MED12L: variants seen among roughly 807,000 people sequenced by gnomAD.
MED12L encodes the protein mediator of RNA polymerase II transcription subunit 12-like protein.
Under a neutral mutation model 281.3 loss-of-function variants are expected in MED12L, and 60 were observed. The observed-to-expected ratio is 0.21, with a 90% CI of 0.17 to 0.26. The LOEUF is 0.26. Ranked by LOEUF, MED12L falls within the 10% of genes least tolerant of loss-of-function variation. The pLI is 1.00. For synonymous variants in MED12L, 974 were observed against 987.2 expected, an observed-to-expected ratio of 0.99 and a Z score of 0.25; for missense variants, 2,146 against 2,680.9, an observed-to-expected ratio of 0.80 and a Z score of 4.41.
At chr3:151,309,140 C>CAT (rs1560011377) in intron 16 of MED12L, among the ~76,000 whole-genome samples, 16 of 109,136 alleles carry the variant, frequency 1.5e-4, no homozygotes, top group African/African-American at 6.0e-4. Flanking sequence ...CACACACACA[C>CAT]GCACACACAC....
rs553322342 is a variant in MED12L at position 151,351,929 on chromosome 3, C to G, written c.2398+1723C>G. Among the ~76,000 whole-genome samples the G allele has an allele frequency of 3.3e-5, 5 of 152,284 alleles. No individual in the cohort carries two copies. The East Asian group carries it at 5.8e-4, about 18-fold the overall frequency. On this transcript the variant is annotated intron_variant, in intron 17 of 44. Coordinates refer to ENST00000687756, the MANE Select transcript of MED12L (RefSeq NM_001393769.1). The stretch of plus-strand genomic sequence containing the variant: ...TAGGCAATTCTAGCATATGAACTCA[C>G]AAAGCGAAAAACATTGTTGTTCTGT...
chr3:151,165,484 G>A lies in MED12L; in HGVS notation c.1322G>A (p.Arg441Gln), dbSNP rs1720595915. The change falls in exon 10 of 45, where the codon CGG becomes CAG. Residue 441 changes from arginine to glutamine, a missense_variant. By Grantham distance (43) the Arg-to-Gln change is conservative. Coordinates refer to ENST00000687756, the MANE Select transcript of MED12L (RefSeq NM_001393769.1). ...CAAAGAGGCCGTGCAGTGGAAGTTC[G>A]GTGGTCATTTGACAAGTGCCAAGAA... Reference protein sequence around the residue: ...IKQRGRAVEVRWSFDKCQEST... With the variant: ...IKQRGRAVEVQWSFDKCQEST... The A allele has an allele frequency of 1.9e-6, 3 of 1,613,866 alleles. No individual in the cohort carries two copies. Among genetic ancestry groups the A allele is most frequent in the South Asian group, 1.1e-5 (1 of 91,070 alleles).
At chr3:151,233,278 T>C (rs1396044535) in intron 16 of MED12L, among the ~76,000 whole-genome samples, 1 of 152,254 alleles carries the variant, frequency 6.6e-6, no homozygotes, top group Non-Finnish European at 1.5e-5. Context: ...TCATCTCTTA[T>C]TCTCATCACA....
intron 16 of MED12L, among the ~76,000 whole-genome samples, chr3:151,313,168 T>C (rs1233273207): frequency 1.3e-5 from 2 of 152,156 alleles, no homozygotes. Context: ...AGTGCTGTGC[T>C]CCTAACTACC....
At chr3:151,360,733 G>T in intron 21 of MED12L, 128 bp downstream of exon 21, 1 of 794,498 alleles carries the variant, frequency 1.3e-6, no homozygotes, top group Non-Finnish European at 2.0e-6. Context: ...CAGTAATTTT[G>T]ATATACTCAT....
chr3:151,428,363 C>T (rs6440743), intron 43 of MED12L, among the ~76,000 whole-genome samples: 129,994 of 152,224 alleles, frequency 0.85, 55,740 homozygotes, highest in Middle Eastern at 0.97. Context: ...TTTTATTTTT[C>T]ACTCTTGATT....
chr3:151,243,042 G>A (rs977201797), intron 16 of MED12L, among the ~76,000 whole-genome samples: 7 of 151,604 alleles, frequency 4.6e-5, no homozygotes, highest in African/African-American at 1.7e-4. Flanking sequence ...TGAATGAAAT[G>A]AAGCGAGAAG....
intron 26 of MED12L, among the ~76,000 whole-genome samples, chr3:151,371,546 C>T (rs773126649): frequency 6.6e-6 from 1 of 151,918 alleles, no homozygotes; most frequent in African/African-American, 2.4e-5. Flanking sequence ...TTAGTAAATA[C>T]TCAGTAAGCC....
intron 16 of MED12L, among the ~76,000 whole-genome samples, chr3:151,281,282 C>T (rs372606846): frequency 6.2e-5 from 9 of 146,086 alleles, no homozygotes; most frequent in Non-Finnish European, 1.0e-4. Context: ...TGGTGGAGTT[C>T]GCCTGTGATC....
At chr3:151,328,682 T>C in intron 16 of MED12L, 1 of 1,613,950 alleles carries the variant, frequency 6.2e-7, no homozygotes, top group East Asian at 2.2e-5. Context: ...ATACATGGTC[T>C]CATAAAATAT....
In MED12L at chr3:151,376,784, T is replaced by C. The variant is rs766347501; in HGVS notation, c.4054-16T>C. 1 of 1,609,004 alleles carries C rather than the reference T, an allele frequency of 6.2e-7. No homozygotes were observed. Among genetic ancestry groups the C allele is most frequent in the South Asian group, 1.1e-5 (1 of 90,874 alleles). On this transcript the variant is annotated splice_polypyrimidine_tract_variant and intron_variant, in intron 28 of 44. Transcript: ENST00000687756. ...TTTGATACCCATAATGTTTTAATTC[T>C]TTCCATTTTTCCCAGAATCTTGAGC...
At chr3:151,378,238 G>T (rs1711572670) in intron 31 of MED12L, 65 bp downstream of exon 31, 1 of 1,444,652 alleles carries the variant, frequency 6.9e-7, no homozygotes, top group Non-Finnish European at 9.2e-7. Flanking sequence ...CTCACTTCCT[G>T]TAAACCTGTG....
At chr3:151,375,828 T>C (rs1213204700) in intron 27 of MED12L, among the ~76,000 whole-genome samples, 198 bp from the exon 28 acceptor site, 1 of 152,202 alleles carries the variant, frequency 6.6e-6, no homozygotes, top group Non-Finnish European at 1.5e-5. Context: ...AAGCAAGTTC[T>C]ACTTTGTATT....
Position 151,351,067 on chromosome 3 carries a change from C to T in MED12L, c.2398+861C>T, listed in dbSNP as rs189091700. ...CTATGTAAACAACATTCTTCCTGCA[C>T]GTGGTATAAACCACCTCTAGGAGCC... On this transcript the variant is annotated intron_variant, in intron 17 of 44. Transcript: ENST00000687756. Among the ~76,000 whole-genome samples the T allele has an allele frequency of 1.9e-3, 295 of 152,252 alleles. 2 individuals carry two copies. Among genetic ancestry groups the T allele is most frequent in the Admixed American group, 0.018 (273 of 15,296 alleles).
rs1727220822 is a variant in MED12L at position 151,211,834 on chromosome 3, C to CAA, written c.2250+18169_2250+18170insAA. Among the ~76,000 whole-genome samples the CAA allele has an allele frequency of 4.6e-5, 7 of 152,130 alleles. 1 individual carries two copies. In the South Asian group the frequency reaches 1.5e-3, roughly 32 times the overall value. ...GGCTAATTATATTTTTTTGTAGAGACAGAGTTTCGCCATGTTGCCCAGGCT... is the reference window on the plus strand; with the variant it reads ...GGCTAATTATATTTTTTTGTAGAGACAAAGAGTTTCGCCATGTTGCCCAGGCT... On this transcript the variant is annotated intron_variant, in intron 16 of 44. Coordinates refer to ENST00000687756, the MANE Select transcript of MED12L (RefSeq NM_001393769.1).
chr3:151,318,553 G>C (rs1295233721), intron 16 of MED12L, among the ~76,000 whole-genome samples: 1 of 152,072 alleles, frequency 6.6e-6, no homozygotes, highest in Non-Finnish European at 1.5e-5. Context: ...AGTACTAAAG[G>C]CATCAGTCAA....
intron 2 of MED12L, among the ~76,000 whole-genome samples, chr3:151,095,435 T>C (rs1389986934): frequency 6.6e-6 from 1 of 152,190 alleles, no homozygotes; most frequent in Non-Finnish European, 1.5e-5. Flanking sequence ...CCTCCCAGTT[T>C]CAAGCTATTC....
chr3:151,342,252 T>C (rs982358024), intron 16 of MED12L, among the ~76,000 whole-genome samples: 2 of 152,198 alleles, frequency 1.3e-5, no homozygotes, highest in African/African-American at 2.4e-5. Context: ...CTGCTTTAAC[T>C]TTATGTAAAT....
At chr3:151,339,388 A>C (rs1204476236) in intron 16 of MED12L, among the ~76,000 whole-genome samples, 3 of 151,860 alleles carry the variant, frequency 2.0e-5, no homozygotes, top group African/African-American at 7.3e-5. Flanking sequence ...AAATTGATGG[A>C]AAATTACTCT....
Sources: gnomAD v4.1 joint callset for allele counts (sites outside exome capture counted in the v4.1 genomes callset) on GRCh38, gnomAD v4.1.1 for gene constraint, MANE v1.5 for transcripts, NCBI Gene and HGNC (gene_info 2026-07-23, HGNC 2026-07-21) for gene names.